The following IL1RAPL2 variants were observed in gnomAD, a reference collection of about 807,000 sequenced individuals.
IL1RAPL2 encodes interleukin 1 receptor accessory protein like 2.
IL1RAPL2 carries 3 observed loss-of-function variants against 44.1 expected under a neutral mutation model. The ratio of observed to expected loss-of-function variants is 0.07; its 90% confidence interval spans 0.03 to 0.18. The LOEUF (loss-of-function observed/expected upper bound fraction) is 0.18. Ranked by LOEUF, IL1RAPL2 falls within the 10% of genes least tolerant of loss-of-function variation. The pLI is 1.00. For synonymous variants in IL1RAPL2, 181 were observed against 178.8 expected (o/e 1.01, Z -0.10); for missense variants, 391 against 496.4 (o/e 0.79, Z 2.02).
chrX:105,676,881 T>A (rs755393113), intron 6 of IL1RAPL2, among the ~76,000 whole-genome samples: 4 of 112,238 alleles, frequency 3.6e-5, no homozygotes, highest in African/African-American at 1.3e-4. Flanking sequence ...TAAATCATAA[T>A]GCTTTAGTGA....
rs149707252 is a variant in IL1RAPL2, at chrX:105,368,507, T to C, written c.697+100966T>C. Among the ~76,000 whole-genome samples, 559 of 112,200 alleles carry C rather than the reference T, an allele frequency of 5.0e-3. 5 individuals carry two copies. The highest frequency in any genetic ancestry group is 0.017 in the African/African-American group (526 of 30,926). On this transcript the variant is annotated intron_variant, in intron 5 of 10. Transcript: ENST00000372582. ...TTTCAGCTTTATGAATATATCATTC[T>C]ATTCCCTCTGGCCTGCAGGGGTTCT...
intron 5 of IL1RAPL2, among the ~76,000 whole-genome samples, chrX:105,339,578 T>C (rs1335149978): frequency 9.0e-6 from 1 of 111,479 alleles, no homozygotes; most frequent in African/African-American, 3.3e-5. Context: ...CCCTGATTTT[T>C]CTAATCACAA....
intron 5 of IL1RAPL2, among the ~76,000 whole-genome samples, chrX:105,313,520 T>C (rs1189583511): frequency 1.8e-5 from 2 of 111,349 alleles, no homozygotes; most frequent in Admixed American, 9.6e-5. Context: ...GTAAGAACAT[T>C]TGCAGTTAAA....
At chrX:105,658,893 C>T (rs1255657722) in intron 6 of IL1RAPL2, among the ~76,000 whole-genome samples, 1 of 99,746 alleles carries the variant, frequency 1.0e-5, no homozygotes, top group African/African-American at 3.8e-5. Context: ...ACTTGGCAGG[C>T]GGAGGTTGCA....
chrX:105,424,771 TAAAAAA>T (rs2035797824), intron 5 of IL1RAPL2, among the ~76,000 whole-genome samples: 3 of 108,135 alleles, frequency 2.8e-5, no homozygotes, highest in Non-Finnish European at 5.8e-5. Flanking sequence ...ATGAATAAAA[TAAAAAA>T]TAAAAATTAA....
chrX:105,271,901 C>G (rs1175703065), intron 5 of IL1RAPL2, among the ~76,000 whole-genome samples: 1 of 108,243 alleles, frequency 9.2e-6, no homozygotes, highest in Non-Finnish European at 1.9e-5. Flanking sequence ...TATCCTGAGA[C>G]TTTGCTGAAG....
At chrX:105,468,793 C>G (rs911053781) in intron 5 of IL1RAPL2, among the ~76,000 whole-genome samples, 1 of 111,668 alleles carries the variant, frequency 9.0e-6, no homozygotes, top group African/African-American at 3.3e-5. Context: ...CATTTTTTAT[C>G]TGTGACTTAG....
chrX:105,131,106 G>T (rs980849411), intron 2 of IL1RAPL2, among the ~76,000 whole-genome samples: 2 of 81,750 alleles, frequency 2.4e-5, no homozygotes, highest in African/African-American at 9.1e-5. Flanking sequence ...TTCTAGTCTT[G>T]TTGGAGTTTT....
chrX:104,618,329 G>A (rs1347830613), intron 1 of IL1RAPL2, among the ~76,000 whole-genome samples: 1 of 112,393 alleles, frequency 8.9e-6, no homozygotes, highest in African/African-American at 3.2e-5. Flanking sequence ...TGCTCAGGCC[G>A]GGGACAGGGA....
intron 2 of IL1RAPL2, among the ~76,000 whole-genome samples, chrX:104,960,375 C>T (rs1427856672): frequency 9.0e-6 from 1 of 111,716 alleles, no homozygotes; most frequent in African/African-American, 3.3e-5. Context: ...AGATTGCACA[C>T]CTAGTAAATA....
chrX:104,646,331 C>A (rs866977024), intron 1 of IL1RAPL2, among the ~76,000 whole-genome samples: 362 of 67,675 alleles, frequency 5.3e-3, no homozygotes, highest in Middle Eastern at 0.012. Context: ...GCTGGGGATG[C>A]AAAAAAAAAA....
At chrX:104,711,382 G>A (rs930144446) in intron 2 of IL1RAPL2, among the ~76,000 whole-genome samples, 14 of 110,939 alleles carry the variant, frequency 1.3e-4, no homozygotes, top group Non-Finnish European at 2.5e-4. Context: ...CAGGGGTTGG[G>A]AAGAAGCAGT....
At chrX:105,088,927 T>A (rs2032509185) in intron 2 of IL1RAPL2, among the ~76,000 whole-genome samples, 1 of 111,253 alleles carries the variant, frequency 9.0e-6, no homozygotes, top group African/African-American at 3.3e-5. Flanking sequence ...ACTTAAAGTT[T>A]TGTGAATTAG....
intron 6 of IL1RAPL2, among the ~76,000 whole-genome samples, chrX:105,641,159 A>G (rs1019159626): frequency 9.0e-6 from 1 of 111,346 alleles, no homozygotes; most frequent in African/African-American, 3.3e-5. Flanking sequence ...TCTTGAGTTG[A>G]TATGTCAACC....
chrX:104,569,026 G>A (rs1013942617), intron 1 of IL1RAPL2, among the ~76,000 whole-genome samples: 3 of 112,250 alleles, frequency 2.7e-5, no homozygotes, highest in African/African-American at 9.7e-5. Flanking sequence ...AAGGGCTGTG[G>A]CATCAAAGGC....
intron 3 of IL1RAPL2, chrX:105,219,357 T>G: frequency 8.3e-7 from 1 of 1,211,133 alleles, no homozygotes; most frequent in Non-Finnish European, 1.1e-6. Flanking sequence ...GGTTCGTGGT[T>G]CCAGAGAAAT....
At chrX:105,477,888 T>C (rs1162429074) in intron 5 of IL1RAPL2, among the ~76,000 whole-genome samples, 5 of 112,128 alleles carry the variant, frequency 4.5e-5, no homozygotes, top group Non-Finnish European at 9.4e-5. Flanking sequence ...TTGCTACCCA[T>C]TGACAAAATC....
chrX:105,216,463 G>T (rs2033859072), intron 3 of IL1RAPL2, among the ~76,000 whole-genome samples: 1 of 110,765 alleles, frequency 9.0e-6, no homozygotes, highest in Non-Finnish European at 1.9e-5. Context: ...GACACAAATG[G>T]AAAAACATTC....
At chrX:105,202,275 G>A (rs1247041235) in intron 3 of IL1RAPL2, among the ~76,000 whole-genome samples, 2 of 112,371 alleles carry the variant, frequency 1.8e-5, no homozygotes, top group Admixed American at 9.4e-5. Flanking sequence ...AAGAAGAATT[G>A]ATCTCAAATA....
Sources: allele counts gnomAD v4.1 joint callset (sites outside exome capture counted in the v4.1 genomes callset), GRCh38; gene constraint gnomAD v4.1.1; transcripts MANE v1.5; gene names NCBI Gene and HGNC (gene_info 2026-07-23, HGNC 2026-07-21).